CAMK1D: variants seen among roughly 807,000 people sequenced by gnomAD.
CAMK1D encodes the protein calcium/calmodulin dependent protein kinase ID.
Under a neutral mutation model 47.7 loss-of-function variants are expected in CAMK1D, and 9 were observed. That is an observed-to-expected ratio of 0.19 (90% CI 0.11 to 0.33). CAMK1D has a LOEUF of 0.33. Among genes scored for constraint, CAMK1D ranks in the 10% least tolerant of loss-of-function variants. The probability of loss-of-function intolerance (pLI) is 1.00; values close to 1 mark genes in which losing one functional copy is unlikely to be tolerated. For missense variants in CAMK1D, 291 were observed against 488.7 expected (o/e 0.60, Z 3.81); for synonymous variants, 184 against 184.9 (o/e 0.99, Z 0.04).
At chr10:12,563,595 C>T (rs1049677573) in intron 2 of CAMK1D, among the ~76,000 whole-genome samples, 3 of 150,890 alleles carry the variant, frequency 2.0e-5, no homozygotes, top group Non-Finnish European at 2.9e-5. Flanking sequence ...TAAAATTATC[C>T]ATTACATTGA....
intron 1 of CAMK1D, among the ~76,000 whole-genome samples, chr10:12,515,053 G>T (rs1397912239): frequency 6.6e-6 from 1 of 151,922 alleles, no homozygotes; most frequent in Admixed American, 6.6e-5. Context: ...AGTAGAGACG[G>T]GGTTTCGCCA....
chr10:12,642,299 C>T (rs1839689603), intron 2 of CAMK1D, among the ~76,000 whole-genome samples: 1 of 152,186 alleles, frequency 6.6e-6, no homozygotes, highest in African/African-American at 2.4e-5. Flanking sequence ...TTTGTTCCAG[C>T]ACTTTCAGGG....
intron 1 of CAMK1D, among the ~76,000 whole-genome samples, chr10:12,481,670 C>T (rs527689064): frequency 1.4e-4 from 21 of 152,180 alleles, no homozygotes; most frequent in South Asian, 1.2e-3. Context: ...CCACCACGCC[C>T]GGCTAATTTT....
At chr10:12,380,104 A>G (rs779305677) in intron 1 of CAMK1D, among the ~76,000 whole-genome samples, 4 of 151,912 alleles carry the variant, frequency 2.6e-5, no homozygotes, top group African/African-American at 7.3e-5. Context: ...AGTCCCTGCT[A>G]CTCGGGAGGC....
chr10:12,676,175 A>G (rs1442925631), intron 3 of CAMK1D, among the ~76,000 whole-genome samples: 1 of 152,168 alleles, frequency 6.6e-6, no homozygotes, highest in Non-Finnish European at 1.5e-5. Flanking sequence ...GCTGGTCTCT[A>G]ATTCCTGACC....
At chr10:12,736,146 G>C (rs866615811) in intron 3 of CAMK1D, among the ~76,000 whole-genome samples, 1 of 152,244 alleles carries the variant, frequency 6.6e-6, no homozygotes, top group Admixed American at 6.5e-5. Flanking sequence ...GAGAGCCTCT[G>C]ATGGTTGCTC....
At chr10:12,598,013 T>G (rs1588674653) in intron 2 of CAMK1D, among the ~76,000 whole-genome samples, 1 of 152,208 alleles carries the variant, frequency 6.6e-6, no homozygotes, top group Non-Finnish European at 1.5e-5. Flanking sequence ...TTTGAAGAGC[T>G]GACATTAAGA....
At chr10:12,693,989 ACATAT>A (rs1564497701) in intron 3 of CAMK1D, among the ~76,000 whole-genome samples, 12 of 72,612 alleles carry the variant, frequency 1.7e-4, no homozygotes, top group East Asian at 1.4e-3. Flanking sequence ...TATTATATAT[ACATAT>A]AATATATATA....
At chr10:12,656,517 C>A (rs1021711763) in intron 2 of CAMK1D, among the ~76,000 whole-genome samples, 1 of 152,114 alleles carries the variant, frequency 6.6e-6, no homozygotes, top group African/African-American at 2.4e-5. Flanking sequence ...AAGAAAAAAA[C>A]CGCCATTTGT....
chr10:12,525,768 G>T lies in CAMK1D; in HGVS notation c.93-27457G>T, dbSNP rs556884360. ...TGGATTATATCCTGTGTACTTTTTTGTTTTTTTGAGATAAGGTCTTGCTCT... is the reference window on the plus strand; with the variant it reads ...TGGATTATATCCTGTGTACTTTTTTTTTTTTTTGAGATAAGGTCTTGCTCT... On this transcript the variant is annotated intron_variant, in intron 1 of 10. Coordinates refer to ENST00000619168, the MANE Select transcript of CAMK1D (RefSeq NM_153498.4). Among the ~76,000 whole-genome samples, 764 of 151,786 alleles carry T rather than the reference G, an allele frequency of 5.0e-3. 2 individuals carry two copies. Among genetic ancestry groups the T allele is most frequent in the African/African-American group, 0.018 (742 of 41,376 alleles).
chr10:12,737,066 G>A (rs1196922002), intron 3 of CAMK1D, among the ~76,000 whole-genome samples: 3 of 152,148 alleles, frequency 2.0e-5, no homozygotes, highest in African/African-American at 7.2e-5. Context: ...ATGAAGGTGC[G>A]TAGCCTGAGT....
At chr10:12,421,365 T>C (rs757741563) in intron 1 of CAMK1D, among the ~76,000 whole-genome samples, 10 of 152,230 alleles carry the variant, frequency 6.6e-5, no homozygotes, top group Non-Finnish European at 1.2e-4. Flanking sequence ...TGCCCGATGA[T>C]GTCCCGGAGC....
intron 2 of CAMK1D, among the ~76,000 whole-genome samples, chr10:12,598,032 GC>G (rs1222755637): frequency 8.5e-5 from 13 of 152,340 alleles, no homozygotes; most frequent in Middle Eastern, 3.4e-3. Context: ...GATGGACGAT[GC>G]CGTGAAACAC....
intron 1 of CAMK1D, among the ~76,000 whole-genome samples, chr10:12,389,207 TTAC>T (rs1311372640): frequency 6.6e-6 from 1 of 152,114 alleles, no homozygotes; most frequent in Non-Finnish European, 1.5e-5. Context: ...GTGTGGTCAG[TTAC>T]TGCTTAAACT....
intron 1 of CAMK1D, among the ~76,000 whole-genome samples, chr10:12,353,582 T>C (rs965330265): frequency 2.2e-4 from 34 of 152,106 alleles, no homozygotes; most frequent in Admixed American, 1.7e-3. Context: ...AAAATGAGAT[T>C]GAGGAAGCAA....
At chr10:12,594,724 C>G (rs1838093268) in intron 2 of CAMK1D, among the ~76,000 whole-genome samples, 1 of 152,212 alleles carries the variant, frequency 6.6e-6, no homozygotes, top group Admixed American at 6.5e-5. Context: ...ACATAGTTTT[C>G]AGACACTTCC....
intron 1 of CAMK1D, among the ~76,000 whole-genome samples, chr10:12,543,454 A>C (rs1302194616): frequency 6.6e-6 from 1 of 152,200 alleles, no homozygotes; most frequent in African/African-American, 2.4e-5. Context: ...CATTTTTTAT[A>C]ATAATAATTG....
intron 6 of CAMK1D, among the ~76,000 whole-genome samples, chr10:12,810,722 A>G (rs1053949208): frequency 1.3e-5 from 2 of 152,230 alleles, no homozygotes; most frequent in Admixed American, 6.5e-5. Flanking sequence ...ATTGACTTCA[A>G]CGCCCGAAGT....
At chr10:12,688,429 G>GA (rs1554810471) in intron 3 of CAMK1D, among the ~76,000 whole-genome samples, 1 of 151,570 alleles carries the variant, frequency 6.6e-6, no homozygotes, top group East Asian at 1.9e-4. Flanking sequence ...TTAGCCTCTG[G>GA]AAAAAAAGGT....
Sources: allele counts gnomAD v4.1 joint callset (sites outside exome capture counted in the v4.1 genomes callset), GRCh38; gene constraint gnomAD v4.1.1; transcripts MANE v1.5; gene names NCBI Gene and HGNC (gene_info 2026-07-23, HGNC 2026-07-21).